Variants in RGS7 observed in about 807,000 individuals in gnomAD.
RGS7 encodes the protein regulator of G-protein signaling 7.
A neutral mutation model predicts 81.1 loss-of-function variants in RGS7; 27 were observed. The ratio of observed to expected loss-of-function variants is 0.33; its 90% CI spans 0.25 to 0.46. RGS7 has a LOEUF of 0.46. Among genes scored for constraint, RGS7 ranks in the 20% least tolerant of loss-of-function variants. The pLI is 1.00. For synonymous variants in RGS7, 208 were observed against 207.7 expected, an observed-to-expected ratio of 1.00 and a Z score of -0.01; for missense variants, 396 against 607.4, an observed-to-expected ratio of 0.65 and a Z score of 3.66.
chr1:241,007,802 C>T (rs1333958997), intron 3 of RGS7, among the ~76,000 whole-genome samples: 1 of 152,082 alleles, frequency 6.6e-6, no homozygotes, highest in Non-Finnish European at 1.5e-5. Flanking sequence ...AAAAGGTTTG[C>T]TGAGAGGTCC....
intron 3 of RGS7, among the ~76,000 whole-genome samples, chr1:241,037,044 T>C (rs1225045023): frequency 6.6e-6 from 1 of 152,208 alleles, no homozygotes; most frequent in Non-Finnish European, 1.5e-5. Flanking sequence ...AGAAATATGC[T>C]TCTGTCATAA....
chr1:240,927,266 C>A (rs1286131144), intron 6 of RGS7, among the ~76,000 whole-genome samples: 1 of 152,172 alleles, frequency 6.6e-6, no homozygotes, highest in African/African-American at 2.4e-5. Flanking sequence ...GGGGTTTCAC[C>A]ATGTTGGCCA....
At chr1:240,955,108 G>A (rs1195888552) in intron 4 of RGS7, among the ~76,000 whole-genome samples, 4 of 152,126 alleles carry the variant, frequency 2.6e-5, no homozygotes, top group Middle Eastern at 3.2e-3. Context: ...GAGAGTCCAT[G>A]TTCATGGACT....
chr1:241,310,254 T>C (rs897364153), intron 2 of RGS7, among the ~76,000 whole-genome samples: 12 of 152,204 alleles, frequency 7.9e-5, no homozygotes, highest in African/African-American at 4.8e-5. Flanking sequence ...ACTTGAGAAA[T>C]TGACTGAAGT....
chr1:240,882,113 C>T (rs1666509185), intron 6 of RGS7, among the ~76,000 whole-genome samples: 1 of 152,060 alleles, frequency 6.6e-6, no homozygotes, highest in South Asian at 2.1e-4. Flanking sequence ...TAGGGTTTCA[C>T]CATGTTGGCC....
In RGS7 at chr1:241,259,667, A is replaced by AAAAAAATATAT; in HGVS notation, c.78+96031_78+96032insATATATTTTTT. Among the ~76,000 whole-genome samples, 112 of 49,118 alleles carry AAAAAAATATAT rather than the reference A, an allele frequency of 2.3e-3. 3 individuals carry two copies. The highest frequency in any genetic ancestry group is 0.015 in the Admixed American group (40 of 2,596). The allele number at this position is 49,118 out of a possible 152,430, so 32.2% of individuals were successfully genotyped here. The stretch of plus-strand genomic sequence containing the variant: ...CTCCGTCTCAAAAAAAAAAAAAAAA[A>AAAAAAATATAT]ATATATATATATATATATAATTAAA... On this transcript the variant is annotated intron_variant, in intron 2 of 18. Coordinates refer to ENST00000440928, the MANE Select transcript of RGS7 (RefSeq NM_001364886.1).
At chr1:241,261,102 C>A (rs1436118429) in intron 2 of RGS7, among the ~76,000 whole-genome samples, 16 of 151,628 alleles carry the variant, frequency 1.1e-4, no homozygotes, top group African/African-American at 3.9e-4. Context: ...CAAAACAAAA[C>A]AAACAAAAAA....
At chr1:240,930,904 AAG>A (rs773115036) in intron 5 of RGS7, 136 bp from the exon 6 acceptor site, 1 of 896,202 alleles carries the variant, frequency 1.1e-6, no homozygotes. Context: ...AACATGTTCC[AAG>A]AGAGACATTG....
intron 6 of RGS7, among the ~76,000 whole-genome samples, chr1:240,887,654 T>C (rs1667607150): frequency 6.6e-6 from 1 of 152,218 alleles, no homozygotes; most frequent in African/African-American, 2.4e-5. Flanking sequence ...GTAAACAATA[T>C]CGATTAATTA....
At chr1:241,006,197 C>T (rs910300082) in intron 3 of RGS7, among the ~76,000 whole-genome samples, 4 of 152,160 alleles carry the variant, frequency 2.6e-5, no homozygotes, top group African/African-American at 9.7e-5. Context: ...TTATAATCTT[C>T]CCTTGTCTCT....
chr1:241,272,806 A>T (rs899257796), intron 2 of RGS7, among the ~76,000 whole-genome samples: 2 of 152,010 alleles, frequency 1.3e-5, no homozygotes, highest in Non-Finnish European at 2.9e-5. Flanking sequence ...AAATTTACTA[A>T]TCCCTTCCTC....
At chr1:240,989,161 C>T (rs1379366282) in intron 3 of RGS7, among the ~76,000 whole-genome samples, 8 of 151,854 alleles carry the variant, frequency 5.3e-5, no homozygotes, top group Non-Finnish European at 8.8e-5. Flanking sequence ...CCAATCAGGC[C>T]GGCCACGGTG....
chr1:240,938,182 C>G (rs998841891), intron 4 of RGS7, among the ~76,000 whole-genome samples: 1 of 152,186 alleles, frequency 6.6e-6, no homozygotes, highest in Non-Finnish European at 1.5e-5. Context: ...AAGTTCCCCA[C>G]TTTGCCCTCC....
intron 4 of RGS7, among the ~76,000 whole-genome samples, chr1:240,949,590 G>A (rs984757216): frequency 6.6e-6 from 1 of 152,152 alleles, no homozygotes; most frequent in African/African-American, 2.4e-5. Context: ...GCTCACGCCT[G>A]TAATCCCAGC....
At chr1:240,914,268 T>C (rs895076486) in intron 6 of RGS7, among the ~76,000 whole-genome samples, 2 of 152,138 alleles carry the variant, frequency 1.3e-5, no homozygotes, top group African/African-American at 4.8e-5. Flanking sequence ...ATGTATAAAG[T>C]TTAAAAACAT....
chr1:240,840,574 C>A (rs1558335337), intron 9 of RGS7, among the ~76,000 whole-genome samples: 1 of 152,324 alleles, frequency 6.6e-6, no homozygotes, highest in East Asian at 1.9e-4. Context: ...CGCCCGGCCT[C>A]ACTGGCCTTC....
intron 3 of RGS7, among the ~76,000 whole-genome samples, chr1:241,012,867 C>A (rs570609108): frequency 3.9e-5 from 6 of 152,182 alleles, no homozygotes; most frequent in African/African-American, 1.4e-4. Flanking sequence ...TGGCTACTAA[C>A]TGTTCTTTCT....
chr1:241,142,388 T>G (rs998471782), intron 2 of RGS7, among the ~76,000 whole-genome samples: 2 of 152,198 alleles, frequency 1.3e-5, no homozygotes, highest in African/African-American at 4.8e-5. Context: ...GCCCTGCCCC[T>G]GTAGCAGACT....
At chr1:241,027,952 A>C (rs2059876489) in intron 3 of RGS7, among the ~76,000 whole-genome samples, 1 of 152,204 alleles carries the variant, frequency 6.6e-6, no homozygotes, top group Admixed American at 6.5e-5. Context: ...AATTTAGTGC[A>C]AGTGTAGGCT....
Sources: gnomAD v4.1 joint callset for allele counts (sites outside exome capture counted in the v4.1 genomes callset) on GRCh38, gnomAD v4.1.1 for gene constraint, MANE v1.5 for transcripts, NCBI Gene and HGNC (gene_info 2026-07-23, HGNC 2026-07-21) for gene names.